Variants in TSNARE1 observed in about 807,000 individuals in gnomAD.
TSNARE1 encodes t-SNARE domain-containing protein 1.
In TSNARE1, 49 loss-of-function variants were observed where a neutral mutation model predicts 62.0. The observed-to-expected ratio is 0.79, with a 90% CI of 0.63 to 1.00. The LOEUF (loss-of-function observed/expected upper bound fraction) is 1.00, where lower values mean the gene tolerates loss of function less well. Ranked by LOEUF, TSNARE1 falls within the 50% of genes least tolerant of loss-of-function variation. The pLI, the probability that TSNARE1 is intolerant of heterozygous loss-of-function variation, is 0.00. For missense variants in TSNARE1, 755 were observed against 700.1 expected (o/e 1.08, Z -0.88); for synonymous variants, 328 against 294.4 (o/e 1.11, Z -1.17).
chr8:142,264,160 C>A (rs73366619), intron 12 of TSNARE1, among the ~76,000 whole-genome samples: 6,049 of 152,278 alleles, frequency 0.04, 188 homozygotes, highest in African/African-American at 0.08. Flanking sequence ...AACTTCATAT[C>A]CCTTAATGAT....
intron 4 of TSNARE1, among the ~76,000 whole-genome samples, chr8:142,340,101 C>T (rs532485207): frequency 6.6e-5 from 10 of 152,276 alleles, no homozygotes; most frequent in South Asian, 4.1e-4. Flanking sequence ...TCCAGGAAGG[C>T]GGACGGCATC....
chr8:142,299,494 C>T (rs1313247115), intron 10 of TSNARE1, among the ~76,000 whole-genome samples: 1 of 152,264 alleles, frequency 6.6e-6, no homozygotes, highest in Non-Finnish European at 1.5e-5. Context: ...TTCAAGGTCA[C>T]ACGCAGAGGC....
At chr8:142,302,523 A>G (rs1031304320) in intron 9 of TSNARE1, among the ~76,000 whole-genome samples, 4 of 152,076 alleles carry the variant, frequency 2.6e-5, no homozygotes, top group African/African-American at 9.7e-5. Flanking sequence ...CACCATAGCC[A>G]GGGACTCAGC....
intron 1 of TSNARE1, among the ~76,000 whole-genome samples, chr8:142,392,308 C>A (rs1837587952): frequency 6.6e-6 from 1 of 152,160 alleles, no homozygotes; most frequent in African/African-American, 2.4e-5. Flanking sequence ...AGGCGTGAGC[C>A]ACCACACCCA....
At chr8:142,331,726 G>C (rs1297098325) in intron 5 of TSNARE1, 28 bp downstream of exon 5, 1 of 1,569,436 alleles carries the variant, frequency 6.4e-7, no homozygotes, top group African/African-American at 1.4e-5. Flanking sequence ...TGGATGGAGG[G>C]GCAGGCCCAG....
chr8:142,318,643 C>T lies in TSNARE1; in HGVS notation c.894-9G>A, dbSNP rs1828963980. The T allele has an allele frequency of 3.7e-6, 6 of 1,613,148 alleles. No individual in the cohort carries two copies. Among genetic ancestry groups the T allele is most frequent in the African/African-American group, 2.7e-5 (2 of 74,876 alleles). Reference sequence around the variant, plus strand: ...CCTGCTGTGCCGTGTGCCTGGGGGCCGAGAAGGAGCCAGGAGCGAAGGCAG... The same window carrying T: ...CCTGCTGTGCCGTGTGCCTGGGGGCTGAGAAGGAGCCAGGAGCGAAGGCAG... On this transcript the variant is annotated splice_polypyrimidine_tract_variant and intron_variant, in intron 6 of 13. Coordinates refer to ENST00000524325, the MANE Select transcript of TSNARE1 (RefSeq NM_145003.5).
chr8:142,320,210 G>A (rs1829274181), intron 6 of TSNARE1, among the ~76,000 whole-genome samples: 1 of 152,184 alleles, frequency 6.6e-6, no homozygotes, highest in African/African-American at 2.4e-5. Context: ...AGACAGTTCA[G>A]ATCTTGCCAG....
At chr8:142,276,403 G>C in intron 11 of TSNARE1, 2 of 985,482 alleles carry the variant, frequency 2.0e-6, no homozygotes. Context: ...GGACCAGCCT[G>C]CCAGGGAGGA....
chr8:142,217,429 A>G (rs1442405721), intron 13 of TSNARE1, among the ~76,000 whole-genome samples: 3 of 152,232 alleles, frequency 2.0e-5, no homozygotes, highest in Non-Finnish European at 4.4e-5. Flanking sequence ...GGCTGACCCC[A>G]CAAGAGGCTT....
intron 1 of TSNARE1, among the ~76,000 whole-genome samples, chr8:142,360,392 G>A (rs1057035115): frequency 5.9e-5 from 9 of 152,282 alleles, no homozygotes; most frequent in African/African-American, 1.7e-4. Context: ...GAAGCCATTC[G>A]CAGCCCCGCT....
chr8:142,229,259 G>A (rs1563762612), intron 13 of TSNARE1, among the ~76,000 whole-genome samples: 1 of 151,230 alleles, frequency 6.6e-6, no homozygotes. Context: ...TGGATGGATG[G>A]TGGATGGGTG....
At chr8:142,357,400 T>C (rs1834829108) in intron 1 of TSNARE1, among the ~76,000 whole-genome samples, 1 of 152,056 alleles carries the variant, frequency 6.6e-6, no homozygotes, top group African/African-American at 2.4e-5. Context: ...TCACCTCAAA[T>C]GATGGTGGGG....
At chr8:142,226,811 C>CTAGG (rs1816797057) in intron 13 of TSNARE1, among the ~76,000 whole-genome samples, 1 of 152,108 alleles carries the variant, frequency 6.6e-6, no homozygotes, top group African/African-American at 2.4e-5. Context: ...AGGGCCCTTC[C>CTAGG]TAGGGCTCAA....
At chr8:142,301,660 T>TTG (rs931222494) in intron 9 of TSNARE1, among the ~76,000 whole-genome samples, 1 of 151,926 alleles carries the variant, frequency 6.6e-6, no homozygotes, top group Non-Finnish European at 1.5e-5. Flanking sequence ...CCATGTGACA[T>TTG]TGTGTGTGTG....
At position 142,374,165 on chromosome 8, in the gene TSNARE1, G is replaced by A. The variant is rs1024278693; in HGVS notation, c.-39-19402C>T. 4.6e-5 allele frequency among the ~76,000 whole-genome samples: 7 copies of A among 152,058 alleles called. No individual in the cohort carries two copies. In the East Asian group the frequency reaches 5.8e-4, roughly 13 times the overall value. On this transcript the variant is annotated intron_variant, in intron 1 of 13. Transcript: ENST00000524325. ...CTAAAAATACAAAAGTTAGCCAGGC[G>A]TGGTGGCCCACACCTGTAATCCCAG...
upstream of TSNARE1, chr8:142,403,300 C>G (rs1838446919): frequency 6.6e-6 from 1 of 151,920 alleles, no homozygotes; most frequent in African/African-American, 2.4e-5. Flanking sequence ...CCGGAAGCGG[C>G]GCGGACGGCG....
chr8:142,402,528 C>T (rs1838371007), intron 1 of TSNARE1, among the ~76,000 whole-genome samples: 1 of 152,250 alleles, frequency 6.6e-6, no homozygotes, highest in Non-Finnish European at 1.5e-5. Flanking sequence ...CACAGATCAA[C>T]ATCACCTGAA....
intron 10 of TSNARE1, among the ~76,000 whole-genome samples, chr8:142,288,584 A>G (rs943801849): frequency 3.9e-5 from 6 of 152,338 alleles, no homozygotes; most frequent in East Asian, 3.9e-4. Context: ...GGTGCCGAGG[A>G]TGCGGCTGAC....
chr8:142,274,501 T>G, intron 12 of TSNARE1: 4 of 985,420 alleles, frequency 4.1e-6, no homozygotes, highest in Non-Finnish European at 4.8e-6. Flanking sequence ...GGCCCTCCCC[T>G]CGGCTGCACC....
Sources: allele counts gnomAD v4.1 joint callset (sites outside exome capture counted in the v4.1 genomes callset), GRCh38; gene constraint gnomAD v4.1.1; transcripts MANE v1.5; gene names NCBI Gene and HGNC (gene_info 2026-07-23, HGNC 2026-07-21).